CBFA2T2: variants seen among roughly 807,000 people sequenced by gnomAD.
The protein encoded by CBFA2T2 is CBFA2/RUNX1 partner transcriptional co-repressor 2.
In CBFA2T2, 11 loss-of-function variants were observed where a neutral mutation model predicts 62.2. That is an observed-to-expected ratio of 0.18 (90% CI 0.11 to 0.29). The LOEUF (loss-of-function observed/expected upper bound fraction) is 0.29, where lower values mean the gene tolerates loss of function less well. CBFA2T2 is among the 10% of genes least tolerant of loss of function. The pLI is 1.00. For synonymous variants in CBFA2T2, 295 were observed against 287.5 expected, an observed-to-expected ratio of 1.03 and a Z score of -0.27; for missense variants, 592 against 774.1, an observed-to-expected ratio of 0.76 and a Z score of 2.79.
chr20:33,600,182 GTTTTTTTTTTTTTTTT>G (rs1183371343), intron 1 of CBFA2T2, among the ~76,000 whole-genome samples: 2 of 62,048 alleles, frequency 3.2e-5, no homozygotes, highest in South Asian at 7.0e-4. Flanking sequence ...CTTTTGGAAA[GTTTTTTTTTTTTTTTT>G]TTTTTTTTTT....
At chr20:33,491,577 A>G (rs1295907542) in intron 1 of CBFA2T2, among the ~76,000 whole-genome samples, 1 of 152,138 alleles carries the variant, frequency 6.6e-6, no homozygotes, top group African/African-American at 2.4e-5. Flanking sequence ...TAGAAAAAGT[A>G]GATACACCCA....
At chr20:33,513,816 GAAAAAAAAAA>G (rs11481160) in intron 1 of CBFA2T2, among the ~76,000 whole-genome samples, 4 of 111,484 alleles carry the variant, frequency 3.6e-5, no homozygotes, top group Non-Finnish European at 5.2e-5. Flanking sequence ...TCTGTCCCAG[GAAAAAAAAAA>G]AAAAAAAAAA....
intron 1 of CBFA2T2, among the ~76,000 whole-genome samples, chr20:33,530,118 TCTCCCTG>T (rs1381282193): frequency 6.6e-6 from 1 of 152,010 alleles, no homozygotes; most frequent in African/African-American, 2.4e-5. Context: ...AGAGATCAGG[TCTCCCTG>T]TGTTGTCCAG....
chr20:33,608,537 A>G (rs1255348742), intron 2 of CBFA2T2, among the ~76,000 whole-genome samples: 1 of 152,268 alleles, frequency 6.6e-6, no homozygotes, highest in Non-Finnish European at 1.5e-5. Context: ...TTTGAGCCAG[A>G]GTGAATGAAA....
At chr20:33,572,284 T>C (rs1298443893) in intron 1 of CBFA2T2, among the ~76,000 whole-genome samples, 1 of 152,226 alleles carries the variant, frequency 6.6e-6, no homozygotes, top group African/African-American at 2.4e-5. Context: ...CACTGAAATA[T>C]TTAAGCATAA....
At chr20:33,523,443 CAG>C (rs1217495902) in intron 1 of CBFA2T2, among the ~76,000 whole-genome samples, 4 of 151,794 alleles carry the variant, frequency 2.6e-5, no homozygotes, top group East Asian at 1.9e-4. Context: ...AATTTAATTA[CAG>C]AGTCTATCTT....
intron 10 of CBFA2T2, 65 bp from the exon 11 acceptor site, chr20:33,644,281 CA>C (rs1442369779): frequency 7.2e-5 from 112 of 1,548,964 alleles, no homozygotes; most frequent in African/African-American, 1.4e-5. Context: ...CTTTACTGTG[CA>C]GGGAATGAAT....
At chr20:33,543,397 C>T (rs767691653) in intron 1 of CBFA2T2, among the ~76,000 whole-genome samples, 1 of 152,164 alleles carries the variant, frequency 6.6e-6, no homozygotes, top group African/African-American at 2.4e-5. Flanking sequence ...TTTTCTGGCG[C>T]AATGGAGTGC....
At chr20:33,557,332 T>G (rs934042584) in intron 1 of CBFA2T2, among the ~76,000 whole-genome samples, 2 of 151,700 alleles carry the variant, frequency 1.3e-5, no homozygotes, top group East Asian at 1.9e-4. Context: ...TCTTTTACTT[T>G]CCCTGCCCTA....
chr20:33,577,450 T>G (rs543435711), intron 1 of CBFA2T2, among the ~76,000 whole-genome samples: 2 of 152,208 alleles, frequency 1.3e-5, no homozygotes, highest in Non-Finnish European at 2.9e-5. Flanking sequence ...CCTCTCTGAT[T>G]GTCATTTGGG....
rs768818872 is a variant in CBFA2T2 at position 33,623,968 on chromosome 20, A to G, written c.692+672A>G. 8.8e-5 allele frequency: 52 copies of G among 587,762 alleles called. No homozygotes were observed. In the African/African-American group the frequency reaches 9.5e-4, roughly 11 times the overall value. The allele number at this position is 587,762 out of a possible 1,614,324, so 36.4% of individuals were successfully genotyped here. Reference sequence around the variant, plus strand: ...AGAAAGAATTGGAAAAAAAAAAAAAAGAAAAGAAAAGAAAAAACAAAAAAA... The same window carrying G: ...AGAAAGAATTGGAAAAAAAAAAAAAGGAAAAGAAAAGAAAAAACAAAAAAA... On this transcript the variant is annotated intron_variant, in intron 5 of 10. Transcript: ENST00000342704.
chr20:33,498,223 T>G (rs1281664864), intron 1 of CBFA2T2, among the ~76,000 whole-genome samples: 1 of 151,252 alleles, frequency 6.6e-6, no homozygotes, highest in Non-Finnish European at 1.5e-5. Context: ...TGAACCACTG[T>G]GCCTGGCCCA....
rs546933895 is a variant in CBFA2T2, at chr20:33,540,863, C to T, written c.34+50562C>T. Among the ~76,000 whole-genome samples, 3 of 152,140 alleles carry T rather than the reference C, an allele frequency of 2.0e-5. No individual in the cohort carries two copies. The South Asian group carries it at 6.2e-4, about 32-fold the overall frequency. ...CTGGCATAGCCTATAACTCCAGAAT[C>T]ACCATTCTAATTGTATTCTGGAGTT... is the stretch of plus-strand genomic sequence containing the variant. On this transcript the variant is annotated intron_variant, in intron 1 of 10. Transcript: ENST00000342704.
chr20:33,495,307 A>C (rs564503237), intron 1 of CBFA2T2, among the ~76,000 whole-genome samples: 1 of 151,060 alleles, frequency 6.6e-6, no homozygotes, highest in Admixed American at 6.6e-5. Context: ...AATTGCTTGA[A>C]GCCAGGAGGC....
chr20:33,605,825 AT>A (rs200922863), intron 1 of CBFA2T2, among the ~76,000 whole-genome samples: 1,732 of 144,480 alleles, frequency 0.012, 21 homozygotes, highest in African/African-American at 0.035. Flanking sequence ...ATTAATGGTG[AT>A]TTTTTTTTTT....
intron 1 of CBFA2T2, among the ~76,000 whole-genome samples, chr20:33,512,997 C>T (rs1051983508): frequency 2.6e-5 from 4 of 152,054 alleles, no homozygotes; most frequent in Admixed American, 2.6e-4. Flanking sequence ...TGTGATCCAC[C>T]CACCTTGGCC....
chr20:33,609,207 TAAAC>T (rs765784804), intron 2 of CBFA2T2, among the ~76,000 whole-genome samples: 37 of 152,232 alleles, frequency 2.4e-4, no homozygotes, highest in Admixed American at 1.2e-3. Context: ...AATATAGAAA[TAAAC>T]AAGCATAGGC....
chr20:33,588,132 C>T (rs2014458814), intron 1 of CBFA2T2, among the ~76,000 whole-genome samples: 1 of 152,096 alleles, frequency 6.6e-6, no homozygotes, highest in Admixed American at 6.6e-5. Context: ...ATATACACCT[C>T]CATGCATTTG....
intron 1 of CBFA2T2, among the ~76,000 whole-genome samples, chr20:33,526,147 A>C (rs764621906): frequency 3.3e-5 from 5 of 152,238 alleles, no homozygotes; most frequent in African/African-American, 4.8e-5. Flanking sequence ...TTGGCCTCCC[A>C]AAGTGCTGGG....
Sources: gnomAD v4.1 joint callset for allele counts (sites outside exome capture counted in the v4.1 genomes callset) on GRCh38, gnomAD v4.1.1 for gene constraint, MANE v1.5 for transcripts, NCBI Gene and HGNC (gene_info 2026-07-23, HGNC 2026-07-21) for gene names.